MFN1: variants seen among roughly 807,000 people sequenced by gnomAD.
MFN1 encodes mitofusin 1, also known as mitofusin-1.
A neutral mutation model predicts 92.4 loss-of-function variants in MFN1; 65 were observed. That is an observed-to-expected ratio of 0.70 (90% CI 0.58 to 0.86). The LOEUF (loss-of-function observed/expected upper bound fraction) is 0.86, where lower values mean the gene tolerates loss of function less well. Among genes scored for constraint, MFN1 ranks in the 40% least tolerant of loss-of-function variants. The pLI is 0.00. For synonymous variants in MFN1, 297 were observed against 300.9 expected, an observed-to-expected ratio of 0.99 and a Z score of 0.13; for missense variants, 781 against 868.0, an observed-to-expected ratio of 0.90 and a Z score of 1.26.
chr3:179,386,053 G>T (rs1342987452), intron 15 of MFN1, among the ~76,000 whole-genome samples: 19 of 151,982 alleles, frequency 1.3e-4, no homozygotes, highest in Admixed American at 1.2e-3. Flanking sequence ...AATATCAAGG[G>T]GATCTGTCTT....
intron 9 of MFN1, among the ~76,000 whole-genome samples, chr3:179,370,459 G>T (rs1457936575): frequency 7.1e-6 from 1 of 140,948 alleles, no homozygotes; most frequent in Non-Finnish European, 1.5e-5. Flanking sequence ...GAATGAGGGA[G>T]TGAGTGCAGC....
chr3:179,352,469 A>T (rs909175639), intron 3 of MFN1, among the ~76,000 whole-genome samples: 9 of 152,218 alleles, frequency 5.9e-5, no homozygotes, highest in Admixed American at 4.6e-4. Context: ...AATTCTTTCA[A>T]ATCTCCTGCT....
chr3:179,384,365 C>T (rs1160430154), intron 14 of MFN1, among the ~76,000 whole-genome samples: 2 of 152,042 alleles, frequency 1.3e-5, no homozygotes, highest in African/African-American at 2.4e-5. Context: ...GAGTAGTATT[C>T]GTTGTAGGTT....
chr3:179,377,026 CTT>C lies in MFN1; in HGVS notation c.1098-14_1098-13del, dbSNP rs775867415. The C allele has an allele frequency of 1.2e-6, 2 of 1,612,000 alleles. No homozygotes were observed. The highest frequency in any genetic ancestry group is 3.4e-5 in the Admixed American group (2 of 59,650). On this transcript the variant is annotated splice_polypyrimidine_tract_variant and intron_variant, in intron 10 of 17. Coordinates refer to ENST00000471841, the MANE Select transcript of MFN1 (RefSeq NM_033540.3). ...CAGACTACCCTGAACGTTGATTACT[CTT>C]TATACTGAAATAGGCATTATTCAGT... is the stretch of plus-strand genomic sequence containing the variant.
chr3:179,348,205 T>C (rs1440065910), intron 1 of MFN1: 1 of 152,334 alleles, frequency 6.6e-6, no homozygotes, highest in African/African-American at 2.4e-5. Flanking sequence ...ATTTCTTGAC[T>C]CTCTGGAAGA....
At chr3:179,366,043 A>G (rs1712774765) in intron 7 of MFN1, among the ~76,000 whole-genome samples, 2 of 152,166 alleles carry the variant, frequency 1.3e-5, no homozygotes, top group South Asian at 4.1e-4. Flanking sequence ...GAGGATGGAC[A>G]GTTTTGACCT....
rs771582794 is a variant in MFN1, at chr3:179,377,426, A to G, written c.1307A>G (p.Asp436Gly). Residue 436 changes from aspartate (D) to glycine (G), a missense_variant, in exon 12 of 18, where the codon GAT becomes GGT. Asp to Gly is a moderately conservative substitution (Grantham distance 94). Coordinates refer to ENST00000471841, the MANE Select transcript of MFN1 (RefSeq NM_033540.3). ...EFCSEFHPNP[D>G]VLKIYKSELN... ...TGTTCAGAGTTTCATCCTAATCCAG[A>G]TGTATTAAAAATATATAAAAGTGTA... is the stretch of plus-strand genomic sequence containing the variant. 6.3e-6 allele frequency: 10 copies of G among 1,592,406 alleles called. No individual in the cohort carries two copies. The highest frequency in any genetic ancestry group is 2.2e-5 in the East Asian group (1 of 44,650).
rs971629341 is a variant in MFN1, at chr3:179,377,516, A to C, written c.1329+68A>C. ...ATTATTCTATACCCTCATTTATTTC[A>C]TGGTTTGGCATTTCAGTGTATCAGT... On this transcript the variant is annotated intron_variant, in intron 12 of 17. Coordinates refer to ENST00000471841, the MANE Select transcript of MFN1 (RefSeq NM_033540.3). 6 of 958,226 alleles carry C rather than the reference A, an allele frequency of 6.3e-6. No homozygotes were observed. In the Admixed American group the frequency reaches 1.4e-4, roughly 22 times the overall value. 59.4% of individuals were successfully genotyped at this position (958,226 alleles called of 1,614,324 possible).
rs1334232325 is a variant in MFN1 at position 179,385,730 on chromosome 3, C to T, written c.1815+9C>T. ...TTATTGTTGGAGGAGTGGTAAGAAA[C>T]ATTACTTTTAGTATAATTAAAATCG... On this transcript the variant is annotated intron_variant, in intron 15 of 17. Transcript: ENST00000471841. 1 of 1,611,682 alleles carries T rather than the reference C, an allele frequency of 6.2e-7. No homozygotes were observed. The highest frequency in any genetic ancestry group is 1.1e-5 in the South Asian group (1 of 90,588).
At chr3:179,385,128 T>C (rs1713626510) in intron 14 of MFN1, among the ~76,000 whole-genome samples, 1 of 151,394 alleles carries the variant, frequency 6.6e-6, no homozygotes, top group African/African-American at 2.4e-5. Flanking sequence ...TTAGCCAGGA[T>C]GGTCTCGATC....
At chr3:179,372,215 T>C (rs1166758597) in intron 9 of MFN1, among the ~76,000 whole-genome samples, 5 of 150,686 alleles carry the variant, frequency 3.3e-5, no homozygotes, top group African/African-American at 1.2e-4. Flanking sequence ...ATATTTGATA[T>C]ATCTAGATGA....
At chr3:179,354,731 A>G (rs986382940) in intron 3 of MFN1, among the ~76,000 whole-genome samples, 4 of 152,196 alleles carry the variant, frequency 2.6e-5, no homozygotes, top group Non-Finnish European at 1.5e-5. Context: ...AGGGTGGATT[A>G]TTCATGAGTT....
At chr3:179,376,784 A>G in intron 10 of MFN1, 1 of 270,524 alleles carries the variant, frequency 3.7e-6, no homozygotes, top group Middle Eastern at 1.2e-3. Flanking sequence ...GCCTGTTCAT[A>G]TCTATGAAGA....
intron 16 of MFN1, among the ~76,000 whole-genome samples, chr3:179,389,085 A>G (rs1351779795): frequency 1.3e-5 from 2 of 152,248 alleles, no homozygotes; most frequent in Non-Finnish European, 2.9e-5. Context: ...AGTCTGAACT[A>G]ACAGTTAATA....
chr3:179,367,006 C>A (rs1394790208), intron 7 of MFN1, among the ~76,000 whole-genome samples: 1 of 152,236 alleles, frequency 6.6e-6, no homozygotes, highest in African/African-American at 2.4e-5. Flanking sequence ...TGGCTCACTG[C>A]AGCCTCCACC....
intron 3 of MFN1, among the ~76,000 whole-genome samples, chr3:179,355,767 C>A (rs1269222105): frequency 6.6e-6 from 1 of 152,064 alleles, no homozygotes; most frequent in Non-Finnish European, 1.5e-5. Context: ...GGCTGGCCAA[C>A]ATGGTGAATC....
chr3:179,369,883 A>C (rs1712954386), intron 9 of MFN1, among the ~76,000 whole-genome samples: 1 of 152,168 alleles, frequency 6.6e-6, no homozygotes, highest in African/African-American at 2.4e-5. Context: ...GTATGGAAAA[A>C]ATTGCTTATG....
At chr3:179,356,262 G>A (rs1433072764) in intron 3 of MFN1, among the ~76,000 whole-genome samples, 1 of 152,188 alleles carries the variant, frequency 6.6e-6, no homozygotes, top group Non-Finnish European at 1.5e-5. Context: ...TTCCAGGAAG[G>A]GTGGGGGAGG....
intron 9 of MFN1, among the ~76,000 whole-genome samples, chr3:179,371,708 G>A (rs1713028313): frequency 6.6e-6 from 1 of 152,066 alleles, no homozygotes; most frequent in Non-Finnish European, 1.5e-5. Context: ...GGAGATAGAC[G>A]TATAAAAATA....
Sources: gnomAD v4.1 joint callset for allele counts (sites outside exome capture counted in the v4.1 genomes callset) on GRCh38, gnomAD v4.1.1 for gene constraint, MANE v1.5 for transcripts, NCBI Gene and HGNC (gene_info 2026-07-23, HGNC 2026-07-21) for gene names.